The following MAPK9 variants were observed in gnomAD, a reference collection of about 807,000 sequenced individuals.
MAPK9 encodes the protein mitogen-activated protein kinase 9.
MAPK9 carries 30 observed loss-of-function variants against 57.1 expected under a neutral mutation model. That is an observed-to-expected ratio of 0.53 (90% confidence interval 0.39 to 0.71). The LOEUF (loss-of-function observed/expected upper bound fraction) is 0.71. MAPK9 is among the 30% of genes least tolerant of loss of function. The pLI, the probability that MAPK9 is intolerant of heterozygous loss-of-function variation, is 0.00. For synonymous variants in MAPK9, 155 were observed against 177.0 expected, an observed-to-expected ratio of 0.88 and a Z score of 0.99; for missense variants, 362 against 521.0, an observed-to-expected ratio of 0.69 and a Z score of 2.97.
Position 180,248,887 on chromosome 5 carries a change from G to C in MAPK9, c.616+86C>G. ...ACAGTCCCCACAGTATATATCATAT[G>C]GTTCAAAGGAAAGAGAAAAAACTCG... is the stretch of plus-strand genomic sequence containing the variant. On this transcript the variant is annotated intron_variant, in intron 6 of 11. Coordinates refer to ENST00000452135, the MANE Select transcript of MAPK9 (RefSeq NM_002752.5). 21 of 1,425,602 alleles carry C rather than the reference G, an allele frequency of 1.5e-5. No individual in the cohort carries two copies. In the South Asian group the frequency reaches 2.6e-4, roughly 18 times the overall value. The allele number at this position is 1,425,602 out of a possible 1,614,324, so 88.3% of individuals were successfully genotyped here. A position where few individuals can be genotyped will look rare whatever the true frequency, so the allele number is the denominator to read the frequency against.
At position 180,233,774 on chromosome 5, in the gene MAPK9, C is replaced by T. The variant is rs1127615; in HGVS notation, c.*2610G>A. On this transcript the variant is annotated 3_prime_UTR_variant, in exon 12 of 12. Coordinates refer to ENST00000452135, the MANE Select transcript of MAPK9 (RefSeq NM_002752.5). ...TAGAAATCAACCAGACAGACTCGTA[C>T]GTGGTTATCGCTACTTACACAGCAT... 10,552 of 152,276 alleles carry T rather than the reference C, an allele frequency of 0.069. 1,093 individuals are homozygous for T. Among genetic ancestry groups the T allele is most frequent in the African/African-American group, 0.23 (9,392 of 41,532 alleles). The allele number at this position is 152,276 out of a possible 1,614,324, so 9.4% of individuals were successfully genotyped here.
chr5:180,288,471 A>T (rs1290371315), intron 1 of MAPK9, among the ~76,000 whole-genome samples: 1 of 152,236 alleles, frequency 6.6e-6, no homozygotes, highest in African/African-American at 2.4e-5. Flanking sequence ...ATATTAAGCA[A>T]TTATTACTTT....
intron 2 of MAPK9, among the ~76,000 whole-genome samples, chr5:180,270,677 C>T (rs1761175049): frequency 6.6e-6 from 1 of 151,968 alleles, no homozygotes; most frequent in Non-Finnish European, 1.5e-5. Context: ...ACAGTGAAAC[C>T]TTGTCTGTAC....
chr5:180,264,496 A>G (rs949147765), intron 4 of MAPK9, among the ~76,000 whole-genome samples: 1 of 152,164 alleles, frequency 6.6e-6, no homozygotes. Context: ...GGGATTTGAG[A>G]AAAACATTTT....
At chr5:180,242,916 T>C (rs1757777847) in intron 7 of MAPK9, 161 bp from the exon 8 acceptor site, 1 of 529,412 alleles carries the variant, frequency 1.9e-6, no homozygotes, top group African/African-American at 1.9e-5. Context: ...GTTTCCAAGT[T>C]ACACTATTTT....
At chr5:180,273,077 A>G (rs1340222450) in intron 2 of MAPK9, among the ~76,000 whole-genome samples, 1 of 152,196 alleles carries the variant, frequency 6.6e-6, no homozygotes, top group Admixed American at 6.5e-5. Flanking sequence ...GTTTCTAACC[A>G]TTCTGCTGAG....
Position 180,236,411 on chromosome 5 carries a change from C to A in MAPK9, c.1248G>T (p.Ser416=), listed in dbSNP as rs1318651310. ...ASDTDSSLDA[S]TGPLEGCR is the part of the protein sequence containing the mutation. ...ATCGACAGCCTTCAAGGGGTCCCGT[C>A]GAGGCATCAAGACTGCTGTCTGTGT... Residue 416 remains serine, a synonymous_variant, in exon 12 of 12, where the codon TCG becomes TCT. Transcript: ENST00000452135. 1 of 1,612,372 alleles carries A rather than the reference C, an allele frequency of 6.2e-7. No individual in the cohort carries two copies.
At chr5:180,240,872 A>G (rs930044568) in intron 9 of MAPK9, among the ~76,000 whole-genome samples, 159 bp downstream of exon 9, 1 of 152,242 alleles carries the variant, frequency 6.6e-6, no homozygotes, top group Non-Finnish European at 1.5e-5. Context: ...CAAAAGAGCA[A>G]GCGACCCAGG....
At chr5:180,239,813 G>A (rs561492890) in intron 10 of MAPK9, 111 bp downstream of exon 10, 27 of 992,302 alleles carry the variant, frequency 2.7e-5, no homozygotes, top group South Asian at 2.2e-4. Flanking sequence ...TAAGTGGGTC[G>A]CAGGGTTTCT....
chr5:180,240,062 C>A (rs905911756), intron 9 of MAPK9, 75 bp from the exon 10 acceptor site: 4 of 1,073,598 alleles, frequency 3.7e-6, no homozygotes, highest in African/African-American at 3.1e-5. Context: ...GGTAAAATTG[C>A]TTGGAAGACT....
intron 1 of MAPK9, among the ~76,000 whole-genome samples, chr5:180,280,961 T>A (rs1168199371): frequency 6.6e-6 from 1 of 152,174 alleles, no homozygotes; most frequent in African/African-American, 2.4e-5. Flanking sequence ...TAGGTGTAAA[T>A]GGTTCATTTA....
rs1000016107 is a variant in MAPK9, at chr5:180,240,174, A to T, written c.997-187T>A. ...AACTTTAGAATCAAAATAATTATGA[A>T]AAAGTTAACCAAAGAAGAGTTATTA... is the stretch of plus-strand genomic sequence containing the variant. On this transcript the variant is annotated intron_variant, in intron 9 of 11. Transcript: ENST00000452135. 3.9e-4 allele frequency among the ~76,000 whole-genome samples: 59 copies of T among 152,228 alleles called. 1 individual carries two copies. Among genetic ancestry groups the T allele is most frequent in the Non-Finnish European group, 2.9e-5 (2 of 68,052 alleles).
In MAPK9 at chr5:180,241,168, C is replaced by T; in HGVS notation, c.872-13G>A. On this transcript the variant is annotated splice_polypyrimidine_tract_variant and intron_variant, in intron 8 of 11. Coordinates refer to ENST00000452135, the MANE Select transcript of MAPK9 (RefSeq NM_002752.5). ...CTGGCTTGACTTGCTAGGGTGACAA[C>T]AAATATTAAATTAATGCTGTTAATA... 1 of 1,606,406 alleles carries T rather than the reference C, an allele frequency of 6.2e-7. No individual in the cohort carries two copies. Among genetic ancestry groups the T allele is most frequent in the Non-Finnish European group, 8.5e-7 (1 of 1,176,324 alleles).
At chr5:180,241,470 TG>T (rs1362891264) in intron 8 of MAPK9, among the ~76,000 whole-genome samples, 1 of 152,104 alleles carries the variant, frequency 6.6e-6, no homozygotes, top group African/African-American at 2.4e-5. Flanking sequence ...GATAATTTTT[TG>T]TATTTTTTTA....
intron 1 of MAPK9, among the ~76,000 whole-genome samples, chr5:180,290,900 T>C (rs1763169975): frequency 6.6e-6 from 1 of 152,198 alleles, no homozygotes; most frequent in Admixed American, 6.5e-5. Flanking sequence ...CAAAGTTACA[T>C]CCTAGTCGGG....
In MAPK9 at chr5:180,238,367, C is replaced by A. The variant is rs55736180; in HGVS notation, c.1097G>T (p.Arg366Ile). ...IYKEVMDWEE[R>I]SKNGVVKDQP... is the part of the protein sequence containing the mutation. Reference sequence around the variant, plus strand: ...ATCTTTTACAACACCATTCTTGCTTCTTTCTTCCCAATCCATGACTTCTTT... The same window carrying A: ...ATCTTTTACAACACCATTCTTGCTTATTTCTTCCCAATCCATGACTTCTTT... The change falls in exon 11 of 12, where the codon AGA (arginine) becomes ATA (isoleucine). Residue 366 changes from arginine (R) to isoleucine (I), a missense_variant. Around this residue, in one of 3 missense-constraint regions of MAPK9, gnomAD observed 199 missense variants for 251.3 expected, o/e 0.79. Transcript: ENST00000452135. 3.9e-4 allele frequency: 622 copies of A among 1,612,550 alleles called. No individual in the cohort carries two copies. Among genetic ancestry groups the A allele is most frequent in the Non-Finnish European group, 4.8e-4 (564 of 1,178,746 alleles).
chr5:180,286,719 G>A lies in MAPK9; in HGVS notation c.-48+5129C>T, dbSNP rs143988531. On this transcript the variant is annotated intron_variant, in intron 1 of 11. Coordinates refer to ENST00000452135, the MANE Select transcript of MAPK9 (RefSeq NM_002752.5). The stretch of plus-strand genomic sequence containing the variant: ...CCAGGGCCCTGGGTAAGGGCTTCTC[G>A]TGGCTCCTTGGACCAGCGACAGCAG... Among the ~76,000 whole-genome samples the A allele has an allele frequency of 6.5e-4, 96 of 148,224 alleles. 4 individuals carry two copies. In the East Asian group the frequency reaches 0.01, roughly 16 times the overall value.
intron 5 of MAPK9, among the ~76,000 whole-genome samples, chr5:180,252,324 C>T (rs531307010): frequency 1.7e-4 from 26 of 152,312 alleles, no homozygotes; most frequent in African/African-American, 6.3e-4. Flanking sequence ...CCAGCAACAA[C>T]TGCACCTTGA....
intron 2 of MAPK9, among the ~76,000 whole-genome samples, chr5:180,279,032 A>G (rs1206036386): frequency 1.4e-5 from 2 of 146,888 alleles, no homozygotes; most frequent in East Asian, 4.0e-4. Flanking sequence ...ATCTTGGCTC[A>G]CTGCAACCTC....
Sources: gnomAD v4.1 joint callset for allele counts (sites outside exome capture counted in the v4.1 genomes callset) on GRCh38, gnomAD v4.1.1 for gene constraint, gnomAD v4.1.1 regional missense constraint, MANE v1.5 for transcripts, NCBI Gene and HGNC (gene_info 2026-07-23, HGNC 2026-07-21) for gene names.